Variants in MGMT observed in about 807,000 individuals in gnomAD.
MGMT encodes the protein methylated-DNA--protein-cysteine methyltransferase.
A neutral mutation model predicts 15.9 loss-of-function variants in MGMT; 14 were observed. That is an observed-to-expected ratio of 0.88 (90% confidence interval 0.58 to 1.37). The LOEUF is 1.37. Among genes scored for constraint, MGMT ranks in the 40% most tolerant of loss-of-function variants. The probability of loss-of-function intolerance (pLI) is 0.00; values close to 1 mark genes in which losing one functional copy is unlikely to be tolerated. For missense variants in MGMT, 282 were observed against 268.1 expected (o/e 1.05, Z -0.36); for synonymous variants, 130 against 118.2 (o/e 1.10, Z -0.65).
At chr10:129,610,423 C>T (rs1157114592) in intron 2 of MGMT, among the ~76,000 whole-genome samples, 2 of 152,216 alleles carry the variant, frequency 1.3e-5, no homozygotes, top group African/African-American at 2.4e-5. Context: ...GCCAAGTATG[C>T]CCCACCCCAG....
At chr10:129,738,147 C>A (rs1304359216) in intron 3 of MGMT, among the ~76,000 whole-genome samples, 1 of 152,256 alleles carries the variant, frequency 6.6e-6, no homozygotes, top group Non-Finnish European at 1.5e-5. Flanking sequence ...GTGCCCCTCC[C>A]CAAGCCTCGC....
chr10:129,574,161 T>C (rs909318787), intron 2 of MGMT, among the ~76,000 whole-genome samples: 2 of 152,246 alleles, frequency 1.3e-5, no homozygotes, highest in Non-Finnish European at 2.9e-5. Context: ...ATGTGCTAAA[T>C]TTTCAGCAAA....
intron 3 of MGMT, among the ~76,000 whole-genome samples, chr10:129,744,704 G>A (rs750160695): frequency 6.6e-6 from 1 of 152,204 alleles, no homozygotes; most frequent in African/African-American, 2.4e-5. Flanking sequence ...CACTCTCAGT[G>A]TGCGCCTCCA....
At chr10:129,635,817 C>T (rs1847258971) in intron 2 of MGMT, among the ~76,000 whole-genome samples, 1 of 152,152 alleles carries the variant, frequency 6.6e-6, no homozygotes, top group Admixed American at 6.5e-5. Flanking sequence ...TGAGGACCCT[C>T]TTACAAGCTG....
intron 2 of MGMT, among the ~76,000 whole-genome samples, chr10:129,600,580 C>T (rs928928210): frequency 6.6e-6 from 1 of 152,212 alleles, no homozygotes; most frequent in Non-Finnish European, 1.5e-5. Flanking sequence ...TATTTCTTTG[C>T]TCATTGAGCT....
intron 3 of MGMT, among the ~76,000 whole-genome samples, chr10:129,734,914 C>T (rs200193935): frequency 6.6e-6 from 1 of 152,222 alleles, no homozygotes; most frequent in Admixed American, 6.5e-5. Flanking sequence ...ATGAAGCCCA[C>T]TTGATCATGG....
intron 2 of MGMT, among the ~76,000 whole-genome samples, chr10:129,584,558 A>G (rs1028559249): frequency 6.6e-6 from 1 of 151,916 alleles, no homozygotes; most frequent in Non-Finnish European, 1.5e-5. Context: ...GTCCATCATC[A>G]CAGTGTAATT....
intron 1 of MGMT, among the ~76,000 whole-genome samples, chr10:129,480,997 G>T (rs888454256): frequency 6.6e-6 from 1 of 152,234 alleles, no homozygotes; most frequent in Non-Finnish European, 1.5e-5. Context: ...TTAGGTCACA[G>T]AATGTTTAGA....
intron 2 of MGMT, among the ~76,000 whole-genome samples, chr10:129,560,688 T>C (rs1478308771): frequency 6.6e-6 from 1 of 152,200 alleles, no homozygotes; most frequent in Non-Finnish European, 1.5e-5. Context: ...TCAATACAAA[T>C]ATATAAATTA....
chr10:129,655,141 A>G (rs1037233587), intron 2 of MGMT, among the ~76,000 whole-genome samples: 3 of 152,148 alleles, frequency 2.0e-5, no homozygotes, highest in Non-Finnish European at 4.4e-5. Flanking sequence ...GAAAGAAAGC[A>G]CTGCAGCCAT....
chr10:129,601,256 T>C (rs973841916), intron 2 of MGMT, among the ~76,000 whole-genome samples: 4 of 152,174 alleles, frequency 2.6e-5, no homozygotes, highest in African/African-American at 9.7e-5. Context: ...TTGCAAACAG[T>C]AGTATACAAA....
intron 2 of MGMT, among the ~76,000 whole-genome samples, chr10:129,549,359 G>C (rs887397689): frequency 6.6e-6 from 1 of 152,166 alleles, no homozygotes; most frequent in African/African-American, 2.4e-5. Context: ...CTTAGACATA[G>C]TACCGTCAGC....
chr10:129,665,908 A>G (rs1398369668), intron 2 of MGMT, among the ~76,000 whole-genome samples: 1 of 152,182 alleles, frequency 6.6e-6, no homozygotes, highest in Non-Finnish European at 1.5e-5. Context: ...AATTGATGAA[A>G]TTGGCTATGG....
intron 2 of MGMT, among the ~76,000 whole-genome samples, chr10:129,650,519 G>T (rs568396342): frequency 6.6e-6 from 1 of 152,154 alleles, no homozygotes; most frequent in African/African-American, 2.4e-5. Flanking sequence ...ATAGGAATGC[G>T]CATGAACGGA....
chr10:129,477,998 A>G (rs1845314801), intron 1 of MGMT, among the ~76,000 whole-genome samples: 2 of 152,180 alleles, frequency 1.3e-5, no homozygotes, highest in Admixed American at 1.3e-4. Context: ...AGATTTCATG[A>G]CCAGAAACAT....
chr10:129,505,024 G>T (rs1358278674), intron 1 of MGMT, among the ~76,000 whole-genome samples: 1 of 152,170 alleles, frequency 6.6e-6, no homozygotes, highest in East Asian at 1.9e-4. Context: ...GCCAACTTTG[G>T]AAAGTGTTAT....
chr10:129,758,002 C>G (rs940262361), intron 3 of MGMT, among the ~76,000 whole-genome samples: 1 of 152,180 alleles, frequency 6.6e-6, no homozygotes, highest in African/African-American at 2.4e-5. Context: ...TCTTTTTGCC[C>G]TCTACTAATC....
At chr10:129,760,321 G>A (rs535694193) in intron 4 of MGMT, among the ~76,000 whole-genome samples, 1 of 152,212 alleles carries the variant, frequency 6.6e-6, no homozygotes, top group East Asian at 1.9e-4. Flanking sequence ...CCTCAAGAAT[G>A]CCCCTGGAAT....
chr10:129,514,291 T>C (rs1434242454), intron 1 of MGMT, among the ~76,000 whole-genome samples: 2 of 152,272 alleles, frequency 1.3e-5, no homozygotes, highest in African/African-American at 4.8e-5. Context: ...TGTTTACATA[T>C]AATTTTGTAA....
Sources: gnomAD v4.1 joint callset for allele counts (sites outside exome capture counted in the v4.1 genomes callset) on GRCh38, gnomAD v4.1.1 for gene constraint, MANE v1.5 for transcripts, NCBI Gene and HGNC (gene_info 2026-07-23, HGNC 2026-07-21) for gene names.